TNKS: variants seen among roughly 807,000 people sequenced by gnomAD.
TNKS encodes poly [ADP-ribose] polymerase tankyrase-1.
TNKS carries 72 observed loss-of-function variants against 135.8 expected under a neutral mutation model. The observed-to-expected ratio is 0.53, with a 90% confidence interval of 0.44 to 0.64. TNKS has a LOEUF of 0.64. TNKS is among the 30% of genes least tolerant of loss of function. The pLI, the probability that TNKS is intolerant of heterozygous loss-of-function variation, is 0.00. For synonymous variants in TNKS, 849 were observed against 649.3 expected (o/e 1.31, Z -4.68); for missense variants, 1,769 against 1,674.0 (o/e 1.06, Z -0.99).
intron 2 of TNKS, among the ~76,000 whole-genome samples, chr8:9,581,048 T>C (rs942075455): frequency 1.3e-5 from 2 of 152,198 alleles, no homozygotes; most frequent in African/African-American, 2.4e-5. Context: ...CTTGAGTGTA[T>C]CATCTGTTTT....
chr8:9,723,121 AAAT>A (rs1804978750), intron 12 of TNKS, among the ~76,000 whole-genome samples: 2 of 150,378 alleles, frequency 1.3e-5, no homozygotes, highest in Non-Finnish European at 3.0e-5. Context: ...TACAAATAAA[AAAT>A]ATATATAGGA....
At chr8:9,730,810 G>A in intron 13 of TNKS, 80 bp from the exon 14 acceptor site, 2 of 1,458,052 alleles carry the variant, frequency 1.4e-6, no homozygotes, top group Admixed American at 2.1e-5. Flanking sequence ...TATCCAAGAT[G>A]TTGAACTATT....
chr8:9,642,682 A>G (rs1800769721), intron 3 of TNKS, among the ~76,000 whole-genome samples: 1 of 146,102 alleles, frequency 6.8e-6, no homozygotes, highest in African/African-American at 2.5e-5. Context: ...TTTTAGCCCT[A>G]AATTCTCATC....
intron 21 of TNKS, 97 bp downstream of exon 21, chr8:9,761,733 C>T (rs923295748): frequency 1.1e-5 from 14 of 1,276,930 alleles, no homozygotes; most frequent in Middle Eastern, 1.9e-4. Context: ...GTCCCAGAAC[C>T]ATACACTGAA....
intron 2 of TNKS, among the ~76,000 whole-genome samples, chr8:9,589,985 C>A (rs182919377): frequency 7.9e-5 from 12 of 152,288 alleles, no homozygotes; most frequent in Non-Finnish European, 1.0e-4. Context: ...TTGAATGTTA[C>A]GTACAAAATA....
chr8:9,773,538 G>C (rs1014348252), intron 26 of TNKS, among the ~76,000 whole-genome samples: 2 of 152,094 alleles, frequency 1.3e-5, no homozygotes, highest in Admixed American at 6.5e-5. Context: ...GTTATCTGTA[G>C]TGGTAAATAT....
chr8:9,657,678 G>A lies in TNKS; in HGVS notation c.995-22273G>A, dbSNP rs1211340519. ...TGACCCCCCCATCTCCCTCCCGGAC[G>A]GGGTGGCTGGCCGGGCTGAGGGGCT... On this transcript the variant is annotated intron_variant, in intron 3 of 26. Transcript: ENST00000310430. Among the ~76,000 whole-genome samples the A allele has an allele frequency of 6.4e-3, 548 of 86,208 alleles. 3 individuals carry two copies. Among genetic ancestry groups the A allele is most frequent in the African/African-American group, 0.023 (485 of 21,454 alleles). 56.6% of individuals were successfully genotyped at this position (86,208 alleles called of 152,430 possible).
chr8:9,717,101 A>ATATATATATATATATAT (rs1454492300), intron 11 of TNKS, among the ~76,000 whole-genome samples: 1 of 119,336 alleles, frequency 8.4e-6, no homozygotes, highest in Non-Finnish European at 1.8e-5. Context: ...ATATATATAT[A>ATATATATATATATATAT]TTTTCAGGGA....
intron 11 of TNKS, among the ~76,000 whole-genome samples, chr8:9,712,720 C>G (rs1804399099): frequency 6.6e-6 from 1 of 151,492 alleles, no homozygotes; most frequent in Admixed American, 6.6e-5. Flanking sequence ...CCAACCCCGT[C>G]TCTACAAATA....
At chr8:9,681,135 C>T (rs1802764419) in intron 5 of TNKS, 2 of 180,422 alleles carry the variant, frequency 1.1e-5, no homozygotes, top group South Asian at 1.9e-4. Context: ...CCTATTTACC[C>T]ATCTTTGTTA....
intron 3 of TNKS, among the ~76,000 whole-genome samples, chr8:9,673,442 ATTT>A (rs71201963): frequency 1.6e-5 from 2 of 125,396 alleles, no homozygotes; most frequent in Non-Finnish European, 3.4e-5. Context: ...TACCTTTTGG[ATTT>A]TTTTTTTTTT....
chr8:9,577,237 A>G (rs938838731), intron 1 of TNKS, among the ~76,000 whole-genome samples: 14 of 152,304 alleles, frequency 9.2e-5, no homozygotes, highest in African/African-American at 3.4e-4. Flanking sequence ...ATGTATACCT[A>G]TTGATCTAGT....
chr8:9,572,790 T>C (rs762090048), intron 1 of TNKS, among the ~76,000 whole-genome samples: 1 of 152,186 alleles, frequency 6.6e-6, no homozygotes, highest in Non-Finnish European at 1.5e-5. Context: ...CTGTGTTTAG[T>C]GGACCTTTAG....
At position 9,752,714 on chromosome 8, in the gene TNKS, T is replaced by C. The variant is rs534919567; in HGVS notation, c.3153+88T>C. Reference sequence around the variant, plus strand: ...TGGTTCACACCTTACTCCCAACACTTTGGAATGCTTCGGCAGGATTGCTTG... The same window carrying C: ...TGGTTCACACCTTACTCCCAACACTCTGGAATGCTTCGGCAGGATTGCTTG... On this transcript the variant is annotated intron_variant, in intron 20 of 26. Transcript: ENST00000310430. The C allele has an allele frequency of 1.1e-5, 10 of 874,150 alleles. No homozygotes were observed. The Admixed American group carries it at 2.3e-4, about 20-fold the overall frequency. The allele number at this position is 874,150 out of a possible 1,614,324, so 54.1% of individuals were successfully genotyped here.
At chr8:9,603,166 C>A (rs1799082744) in intron 2 of TNKS, among the ~76,000 whole-genome samples, 1 of 152,066 alleles carries the variant, frequency 6.6e-6, no homozygotes, top group South Asian at 2.1e-4. Flanking sequence ...CATTCTCCTG[C>A]CTCAGGCTCC....
chr8:9,716,695 C>T (rs28713622), intron 11 of TNKS, among the ~76,000 whole-genome samples: 5,684 of 151,992 alleles, frequency 0.037, 273 homozygotes, highest in African/African-American at 0.11. Flanking sequence ...TCTGTGTCTC[C>T]GTCGCTCCCT....
chr8:9,715,365 G>A (rs28371382), intron 11 of TNKS, among the ~76,000 whole-genome samples: 91,148 of 150,958 alleles, frequency 0.6, 27,742 homozygotes, highest in Middle Eastern at 0.71. Flanking sequence ...GCAGCAGGGG[G>A]GGCGGGTATG....
In TNKS at chr8:9,735,417, G is replaced by T. The variant is rs748924033; in HGVS notation, c.2574G>T (p.Glu858Asp). 3 of 1,614,038 alleles carry T rather than the reference G, an allele frequency of 1.9e-6. No homozygotes were observed. The highest frequency in any genetic ancestry group is 1.7e-5 in the Admixed American group (1 of 60,004). Residue 858 changes from glutamate to aspartate, a missense_variant, in exon 17 of 27, where the codon GAG becomes GAT. Transcript: ENST00000310430. Reference sequence around the variant, plus strand: ...TGGAAGTAGCTGAATATCTTCTAGAGCATGGAGCTGATGTTAATGCCCAGG... The same window carrying T: ...TGGAAGTAGCTGAATATCTTCTAGATCATGGAGCTGATGTTAATGCCCAGG... ...NNLEVAEYLL[E>D]HGADVNAQDK...
intron 3 of TNKS, among the ~76,000 whole-genome samples, chr8:9,645,000 A>C (rs1056682949): frequency 1.3e-5 from 2 of 152,182 alleles, no homozygotes; most frequent in African/African-American, 2.4e-5. Context: ...GCTATGATGT[A>C]TCATGGGTTT....
Sources: allele counts gnomAD v4.1 joint callset (sites outside exome capture counted in the v4.1 genomes callset), GRCh38; gene constraint gnomAD v4.1.1; transcripts MANE v1.5; gene names NCBI Gene and HGNC (gene_info 2026-07-23, HGNC 2026-07-21).